The following TENM3 variants were observed in gnomAD, a reference collection of about 807,000 sequenced individuals.
TENM3 encodes teneurin transmembrane protein 3.
In TENM3, 63 loss-of-function variants were observed where a neutral mutation model predicts 255.1. The ratio of observed to expected loss-of-function variants is 0.25; its 90% CI spans 0.20 to 0.30. TENM3 has a LOEUF of 0.30. Among genes scored for constraint, TENM3 ranks in the 10% least tolerant of loss-of-function variants. TENM3 has a pLI of 1.00. For missense variants in TENM3, 2,929 were observed against 3,461.1 expected (o/e 0.85, Z 3.86); for synonymous variants, 1,306 against 1,322.3 (o/e 0.99, Z 0.27).
At chr4:182,565,015 G>A (rs1315941947) in intron 3 of TENM3, among the ~76,000 whole-genome samples, 1 of 152,176 alleles carries the variant, frequency 6.6e-6, no homozygotes, top group Admixed American at 6.6e-5. Flanking sequence ...TACCCAGTGT[G>A]TGAAAAGTTC....
the TENM3 span, among the ~76,000 whole-genome samples, chr4:181,678,357 T>C: frequency 1.3e-5 from 2 of 151,938 alleles, no homozygotes; most frequent in African/African-American, 4.8e-5. Flanking sequence ...ATGTGAGGGG[T>C]TGGTAGGGCT....
At chr4:181,533,644 G>A in the TENM3 span, among the ~76,000 whole-genome samples, 2 of 151,638 alleles carry the variant, frequency 1.3e-5, no homozygotes, top group South Asian at 2.1e-4. Flanking sequence ...CACTAGGCAC[G>A]AGACAGATGT....
At chr4:181,736,405 C>T in the TENM3 span, among the ~76,000 whole-genome samples, 1 of 151,996 alleles carries the variant, frequency 6.6e-6, no homozygotes, top group Admixed American at 6.6e-5. Flanking sequence ...ATGTAATTGC[C>T]AATGATAAGA....
chr4:181,489,201 A>C, the TENM3 span, among the ~76,000 whole-genome samples: 1 of 152,186 alleles, frequency 6.6e-6, no homozygotes, highest in Non-Finnish European at 1.5e-5. Flanking sequence ...CTCCATGAAC[A>C]ATATTGAGTT....
At chr4:182,714,886 T>A (rs144239354) in intron 13 of TENM3, among the ~76,000 whole-genome samples, 2 of 152,146 alleles carry the variant, frequency 1.3e-5, no homozygotes, top group African/African-American at 4.8e-5. Flanking sequence ...CTGTTTTGTT[T>A]TGTTTTTTGT....
the TENM3 span, among the ~76,000 whole-genome samples, chr4:182,104,335 C>T: frequency 7.2e-5 from 11 of 152,076 alleles, no homozygotes; most frequent in African/African-American, 2.4e-4. Context: ...GGTCTAGCCA[C>T]CTCCACTCTT....
chr4:181,955,838 G>T, the TENM3 span, among the ~76,000 whole-genome samples: 1 of 152,142 alleles, frequency 6.6e-6, no homozygotes, highest in East Asian at 1.9e-4. Context: ...AGTCAGGAAA[G>T]GGTTAGGTGG....
chr4:182,149,797 A>G (rs538055890), intron 1 of TENM3, among the ~76,000 whole-genome samples: 1 of 152,144 alleles, frequency 6.6e-6, no homozygotes, highest in South Asian at 2.1e-4. Context: ...TAAGTTTAGG[A>G]GTCAATCATT....
At chr4:181,665,083 G>C in the TENM3 span, among the ~76,000 whole-genome samples, 8,409 of 152,166 alleles carry the variant, frequency 0.055, 388 homozygotes, top group African/African-American at 0.12. Flanking sequence ...GATAGATGAA[G>C]CTGCACCTCA....
At chr4:181,782,060 G>A in the TENM3 span, among the ~76,000 whole-genome samples, 3 of 152,142 alleles carry the variant, frequency 2.0e-5, no homozygotes, top group South Asian at 2.1e-4. Flanking sequence ...TGTTCATCAG[G>A]GATATTGGTC....
rs543894492 is a variant in TENM3 at position 182,336,434 on chromosome 4, C to CA, written c.233-10211dup. On this transcript the variant is annotated intron_variant, in intron 2 of 27. Coordinates refer to ENST00000511685, the MANE Select transcript of TENM3 (RefSeq NM_001080477.4). ...ATAGTGTGTGAAATAAACAATAACA[C>CA]AAAAAACTGAAAGAAAAAAACTGCA... Among the ~76,000 whole-genome samples the CA allele has an allele frequency of 1.0e-3, 156 of 151,932 alleles. 1 individual carries two copies. Among genetic ancestry groups the CA allele is most frequent in the African/African-American group, 3.6e-3 (150 of 41,450 alleles).
intron 16 of TENM3, among the ~76,000 whole-genome samples, chr4:182,734,623 A>G (rs149383647): frequency 2.6e-5 from 4 of 152,306 alleles, no homozygotes; most frequent in African/African-American, 9.6e-5. Context: ...AATTGGCAGG[A>G]CATGGTTCCT....
chr4:182,782,973 G>A (rs1765299520), intron 24 of TENM3, among the ~76,000 whole-genome samples: 1 of 151,596 alleles, frequency 6.6e-6, no homozygotes, highest in Admixed American at 6.6e-5. Context: ...TGGATTTCCT[G>A]AATACAGCAC....
chr4:182,390,968 G>C (rs186931448), intron 3 of TENM3, among the ~76,000 whole-genome samples: 2 of 152,120 alleles, frequency 1.3e-5, no homozygotes, highest in Admixed American at 1.3e-4. Context: ...GGAGATGCTT[G>C]TTCATTTAAT....
intron 3 of TENM3, among the ~76,000 whole-genome samples, chr4:182,547,321 G>A (rs147711537): frequency 9.9e-5 from 15 of 152,090 alleles, no homozygotes; most frequent in African/African-American, 2.9e-4. Context: ...TACTTTTCTC[G>A]TGCTTTTCAG....
chr4:181,525,894 C>T, the TENM3 span, among the ~76,000 whole-genome samples: 3 of 152,166 alleles, frequency 2.0e-5, no homozygotes, highest in African/African-American at 7.2e-5. Context: ...GGTGCTCCAG[C>T]CTGCTAAGGA....
intron 1 of TENM3, among the ~76,000 whole-genome samples, chr4:182,216,625 C>A (rs947242763): frequency 6.6e-6 from 1 of 152,194 alleles, no homozygotes; most frequent in African/African-American, 2.4e-5. Context: ...TGGAAGCAAG[C>A]AATATACATC....
At chr4:181,936,379 G>C in the TENM3 span, among the ~76,000 whole-genome samples, 1 of 152,108 alleles carries the variant, frequency 6.6e-6, no homozygotes, top group Admixed American at 6.6e-5. Flanking sequence ...TGGGCGACAG[G>C]GTGAGACTCC....
At chr4:181,449,586 C>A in the TENM3 span, among the ~76,000 whole-genome samples, 20 of 152,226 alleles carry the variant, frequency 1.3e-4, no homozygotes, top group Admixed American at 1.2e-3. Flanking sequence ...GAGTTCGAGA[C>A]CAGCCTGGCC....
Sources: gnomAD v4.1 joint callset for allele counts (sites outside exome capture counted in the v4.1 genomes callset) on GRCh38, gnomAD v4.1.1 for gene constraint, MANE v1.5 for transcripts, NCBI Gene and HGNC (gene_info 2026-07-23, HGNC 2026-07-21) for gene names.